Variants in CDHR5 observed in about 807,000 individuals in gnomAD.
The protein encoded by CDHR5 is cadherin related family member 5, also known as cadherin-related family member 5.
A neutral mutation model predicts 69.5 loss-of-function variants in CDHR5; 82 were observed. The observed-to-expected ratio is 1.18, with a 90% CI of 0.99 to 1.42. CDHR5 has a LOEUF of 1.42. Ranked by LOEUF, CDHR5 falls within the 40% of genes most tolerant of loss-of-function variation. CDHR5 has a pLI of 0.00. For missense variants in CDHR5, 1,293 were observed against 1,168.9 expected (o/e 1.11, Z -1.55); for synonymous variants, 601 against 510.2 (o/e 1.18, Z -2.40).
chr11:622,809 C>T (rs1026591667), intron 3 of CDHR5, among the ~76,000 whole-genome samples: 2 of 152,040 alleles, frequency 1.3e-5, no homozygotes, highest in African/African-American at 2.4e-5. Context: ...ACCACAATGT[C>T]GTTGTCACAC....
At position 617,413 on chromosome 11, in the gene CDHR5, C is replaced by T. The variant is rs373271397; in HGVS notation, c.2476G>A (p.Glu826Lys). The change falls in exon 15 of 15, where the codon GAG (glutamate) becomes AAG (lysine). Residue 826 changes from glutamate to lysine, a missense_variant. Transcript: ENST00000397542. Reference protein sequence around the residue: ...ASDSGSGDEGEGAGRGGGPYD... With the variant: ...ASDSGSGDEGKGAGRGGGPYD... Reference sequence around the variant, plus strand: ...GGACCCCCACCCCTCCCCGCGCCCTCGCCCTCATCGCCGCTGCCGGAGTCA... The same window carrying T: ...GGACCCCCACCCCTCCCCGCGCCCTTGCCCTCATCGCCGCTGCCGGAGTCA... The T allele has an allele frequency of 2.0e-5, 32 of 1,611,504 alleles. No homozygotes were observed. The African/African-American group carries it at 2.1e-4, about 11-fold the overall frequency.
chr11:620,441 G>T (rs2133199075), intron 7 of CDHR5, 55 bp from the exon 8 acceptor site: 2 of 1,279,718 alleles, frequency 1.6e-6, no homozygotes, highest in East Asian at 4.7e-5. Context: ...GATGGCCCCA[G>T]CCTGGCCCCT....
rs559963181 is a variant in CDHR5 at position 621,373 on chromosome 11, G to A, written c.590C>T (p.Pro197Leu). Reference sequence around the variant, plus strand: ...CACCAGCAGCCAGAAGGTCATGTTCGGCCGCTCGTAGAAGTCCAGGGGCCG... The same window carrying A: ...CACCAGCAGCCAGAAGGTCATGTTCAGCCGCTCGTAGAAGTCCAGGGGCCG... ...LDRPLDFYER[P>L]NMTFWLLVRD... The change falls in exon 6 of 15, where the codon CCG becomes CTG. Residue 197 changes from proline to leucine, a missense_variant. Pro to Leu is a moderately conservative substitution (Grantham distance 98, BLOSUM62 -3). Coordinates refer to ENST00000397542, the MANE Select transcript of CDHR5 (RefSeq NM_021924.5). This position sits in a 1 kb window ranked among gnomAD's most constrained non-coding sequence, Gnocchi z 4.4. 2.2e-5 allele frequency: 36 copies of A among 1,613,164 alleles called. No homozygotes were observed. In the South Asian group the frequency reaches 2.6e-4, roughly 12 times the overall value.
chr11:617,573 C>T lies in CDHR5; in HGVS notation c.2316G>A (p.Thr772=), dbSNP rs368300364. The T allele has an allele frequency of 1.8e-5, 29 of 1,611,464 alleles. No homozygotes were observed. Among genetic ancestry groups the T allele is most frequent in the East Asian group, 2.2e-5 (1 of 44,858 alleles). ...PAAARAGGSP[T]AVRSILTKER... is the part of the protein sequence containing the mutation. ...CCTTGGTCAGGATGGACCTCACCGCCGTGGGGCTTCCGCCAGCTCGGGCCG... is the reference window on the plus strand; with the variant it reads ...CCTTGGTCAGGATGGACCTCACCGCTGTGGGGCTTCCGCCAGCTCGGGCCG... The change falls in exon 15 of 15, where the codon ACG becomes ACA. Residue 772 remains threonine, a synonymous_variant. Transcript: ENST00000397542.
At chr11:618,301 C>T (rs546567096) in intron 13 of CDHR5, among the ~76,000 whole-genome samples, 190 bp from the exon 14 acceptor site, 1 of 152,348 alleles carries the variant, frequency 6.6e-6, no homozygotes, top group Admixed American at 6.5e-5. Context: ...CACCCCCTCC[C>T]CCCCGGGAGG....
At position 617,507 on chromosome 11, in the gene CDHR5, G is replaced by C. The variant is rs550217560; in HGVS notation, c.2382C>G (p.Gly794=). 5.0e-5 allele frequency: 81 copies of C among 1,612,560 alleles called. No homozygotes were observed. Among genetic ancestry groups the C allele is most frequent in the Non-Finnish European group, 6.7e-5 (79 of 1,179,842 alleles). Residue 794 remains glycine, a synonymous_variant, in exon 15 of 15, where the codon GGC becomes GGG. Coordinates refer to ENST00000397542, the MANE Select transcript of CDHR5 (RefSeq NM_021924.5). Reference sequence around the variant, plus strand: ...CGTCTGCCTCCGTCCCGATGTCCTCGCCAAACCAGACAGCCTTGTACCCGC... The same window carrying C: ...CGTCTGCCTCCGTCCCGATGTCCTCCCCAAACCAGACAGCCTTGTACCCGC... The part of the protein sequence containing the change: ...PEGGYKAVWF[G]EDIGTEADVV...
rs545568807 is a variant in CDHR5 at position 621,760 on chromosome 11, C to T, written c.405+52G>A. 145 of 1,566,854 alleles carry T rather than the reference C, an allele frequency of 9.3e-5. No individual in the cohort carries two copies. The East Asian group carries it at 2.2e-3, about 24-fold the overall frequency. On this transcript the variant is annotated intron_variant, in intron 4 of 14. Coordinates refer to ENST00000397542, the MANE Select transcript of CDHR5 (RefSeq NM_021924.5). This position sits in a 1 kb window ranked among gnomAD's most constrained non-coding sequence, Gnocchi z 4.4. ...GGCCACCACTCACCTCCTGCCCTCA[C>T]CCTGGGCTCCCACACCCCCGTGCCC... is the stretch of plus-strand genomic sequence containing the variant.
Position 620,353 on chromosome 11 carries a change from A to T in CDHR5, c.823T>A (p.Tyr275Asn). The stretch of plus-strand genomic sequence containing the variant: ...ATGCCGCGGTCTCCGTCCTCAGCGT[A>T]GATGGGTCCGGGACGCAGGACGAGG... Reference protein sequence around the residue: ...SPLVLRPGPIYAEDGDRGINQ... With the variant: ...SPLVLRPGPINAEDGDRGINQ... Residue 275 changes from tyrosine to asparagine, a missense_variant, in exon 8 of 15, where the codon TAC becomes AAC. Tyr to Asn is a moderately radical substitution (Grantham distance 143). Transcript: ENST00000397542. 4 of 1,612,586 alleles carry T rather than the reference A, an allele frequency of 2.5e-6. No individual in the cohort carries two copies. The highest frequency in any genetic ancestry group is 3.4e-6 in the Non-Finnish European group (4 of 1,179,168).
At position 620,087 on chromosome 11, in the gene CDHR5, T is replaced by TC; in HGVS notation, c.957dup (p.Thr320AspfsTer114). ...CTCACCTTCACCAGCAGAAGGAAGG[T>TC]CATGGGGCTGGGGACACTCCTGGCC... On this transcript the variant is annotated frameshift_variant, in exon 9 of 15. Transcript: ENST00000397542. LOFTEE classifies it high-confidence loss of function. The TC allele has an allele frequency of 6.2e-7, 1 of 1,608,498 alleles. No individual in the cohort carries two copies.
rs146582901 is a variant in CDHR5 at position 622,294 on chromosome 11, T to A, written c.313-390A>T. ...GTGGTGCCTGTCCTGGCAGGACTTA[T>A]AACAACAGACAAAAAGGACTTTATA... On this transcript the variant is annotated intron_variant, in intron 3 of 14. Coordinates refer to ENST00000397542, the MANE Select transcript of CDHR5 (RefSeq NM_021924.5). Among the ~76,000 whole-genome samples, 362 of 152,350 alleles carry A rather than the reference T, an allele frequency of 2.4e-3. 3 individuals are homozygous for A. The highest frequency in any genetic ancestry group is 7.7e-3 in the African/African-American group (320 of 41,578).
In CDHR5 at chr11:619,505, G is replaced by A. The variant is rs748322692; in HGVS notation, c.1262C>T (p.Thr421Ile). Residue 421 changes from threonine to isoleucine, a missense_variant, in exon 11 of 15, where the codon ACA becomes ATA. By Grantham distance (89) the Thr-to-Ile change is moderately conservative. Transcript: ENST00000397542. ...MEGEVVLTTT[T>I]LAQAGAFYAE... ...GTAGAAGGCTCCCGCCTGTGCCAGT[G>A]TGGTGGTGGTCAGCACAACCTCTCC... 1 of 1,613,618 alleles carries A rather than the reference G, an allele frequency of 6.2e-7. No individual in the cohort carries two copies. The highest frequency in any genetic ancestry group is 1.1e-5 in the South Asian group (1 of 91,082).
chr11:620,407 A>AG (rs1158877105), intron 7 of CDHR5, 21 bp from the exon 8 acceptor site: 2 of 1,553,654 alleles, frequency 1.3e-6, no homozygotes, highest in Non-Finnish European at 1.8e-6. Flanking sequence ...GGCGGAAGGG[A>AG]GGGCACGTCG....
chr11:623,496 G>T (rs1857540621), intron 3 of CDHR5, among the ~76,000 whole-genome samples: 1 of 152,176 alleles, frequency 6.6e-6, no homozygotes, highest in Admixed American at 6.5e-5. Flanking sequence ...GATGTTGGGG[G>T]AGCGGGGCTG....
chr11:624,228 C>CT lies in CDHR5; in HGVS notation c.296dup (p.Ser100GlufsTer20), dbSNP rs765642818. The CT allele has an allele frequency of 1.6e-5, 12 of 769,220 alleles. No homozygotes were observed. The highest frequency in any genetic ancestry group is 2.7e-5 in the Non-Finnish European group (11 of 413,376). The allele number at this position is 769,220 out of a possible 1,614,324, so 47.6% of individuals were successfully genotyped here. A position where few individuals can be genotyped will look rare whatever the true frequency, so the allele number is the denominator to read the frequency against. The stretch of plus-strand genomic sequence containing the variant: ...GGGGACTCACCAATGTGCCTCCGCT[C>CT]TGACACAGCAGCTGAGCCTCAAGCA... On this transcript the variant is annotated frameshift_variant, in exon 3 of 15. Transcript: ENST00000397542. LOFTEE classifies it high-confidence loss of function. This position sits in a 1 kb window ranked among gnomAD's most constrained non-coding sequence, Gnocchi z 5.3.
At chr11:620,484 G>A (rs2133199297) in intron 7 of CDHR5, 98 bp from the exon 8 acceptor site, 2 of 804,058 alleles carry the variant, frequency 2.5e-6, no homozygotes, top group Non-Finnish European at 4.0e-6. Context: ...GTTGGCTGAG[G>A]AGGGGCCCAG....
At position 617,986 on chromosome 11, in the gene CDHR5, G is replaced by T; in HGVS notation, c.2086C>A (p.Pro696Thr). Residue 696 changes from proline to threonine, a missense_variant, in exon 14 of 15, where the codon CCC becomes ACC. Coordinates refer to ENST00000397542, the MANE Select transcript of CDHR5 (RefSeq NM_021924.5). ...TTGCCACAGCAGCACTTGAGCCGGGGGCCATAGTGCTTGTGGACAAGGACG... is the reference window on the plus strand; with the variant it reads ...TTGCCACAGCAGCACTTGAGCCGGGTGCCATAGTGCTTGTGGACAAGGACG... ...LAVLVHKHYG[P>T]RLKCCCGKAP... The T allele has an allele frequency of 6.2e-7, 1 of 1,612,268 alleles. No individual in the cohort carries two copies.
In CDHR5 at chr11:619,602, A is replaced by G. The variant is rs377354059; in HGVS notation, c.1180-15T>C. On this transcript the variant is annotated splice_polypyrimidine_tract_variant and intron_variant, in intron 10 of 14. Coordinates refer to ENST00000397542, the MANE Select transcript of CDHR5 (RefSeq NM_021924.5). ...GAGTTGAGGTCCTGGACAGGGTCTCATTGAGTCCCCGGCCAGGCTGCCTCC... is the reference window on the plus strand; with the variant it reads ...GAGTTGAGGTCCTGGACAGGGTCTCGTTGAGTCCCCGGCCAGGCTGCCTCC... 130 of 1,610,932 alleles carry G rather than the reference A, an allele frequency of 8.1e-5. No individual in the cohort carries two copies. In the Middle Eastern group the frequency reaches 2.5e-3, roughly 31 times the overall value.
chr11:621,739 A>G lies in CDHR5; in HGVS notation c.405+73T>C, dbSNP rs113041851. The G allele has an allele frequency of 3.6e-5, 56 of 1,557,060 alleles. No homozygotes were observed. The African/African-American group carries it at 3.9e-4, about 11-fold the overall frequency. On this transcript the variant is annotated intron_variant, in intron 4 of 14. Coordinates refer to ENST00000397542, the MANE Select transcript of CDHR5 (RefSeq NM_021924.5). This position sits in a 1 kb window ranked among gnomAD's most constrained non-coding sequence, Gnocchi z 4.4. ...CCCCACTGTGGTTGAGCCCCCGGCC[A>G]CCACTCACCTCCTGCCCTCACCCTG...
chr11:624,428 A>G lies in CDHR5; in HGVS notation c.261+129T>C, dbSNP rs768878211. 1.4e-5 allele frequency: 14 copies of G among 975,322 alleles called. No individual in the cohort carries two copies. Among genetic ancestry groups the G allele is most frequent in the Non-Finnish European group, 2.3e-5 (14 of 611,152 alleles). The allele number at this position is 975,322 out of a possible 1,614,324, so 60.4% of individuals were successfully genotyped here. On this transcript the variant is annotated intron_variant, in intron 2 of 14. Coordinates refer to ENST00000397542, the MANE Select transcript of CDHR5 (RefSeq NM_021924.5). The surrounding 1 kb of genome is among the most constrained non-coding windows in gnomAD (Gnocchi z 5.3). ...AATGGCCCAGCCTTCTAGGGCAGGC[A>G]CCACCAAGCATGGGTGTCAGTGGAT...
Sources: gnomAD v4.1 joint callset for allele counts (sites outside exome capture counted in the v4.1 genomes callset) on GRCh38, gnomAD v4.1.1 for gene constraint, Gnocchi (gnomAD v3.1) non-coding constraint, MANE v1.5 for transcripts, NCBI Gene and HGNC (gene_info 2026-07-23, HGNC 2026-07-21) for gene names.